NUDCD3: variants seen among roughly 807,000 people sequenced by gnomAD.
The protein encoded by NUDCD3 is nudC domain-containing protein 3.
Under a neutral mutation model 39.7 loss-of-function variants are expected in NUDCD3, and 13 were observed. That is an observed-to-expected ratio of 0.33 (90% CI 0.21 to 0.52). The LOEUF (loss-of-function observed/expected upper bound fraction) is 0.52. Ranked by LOEUF, NUDCD3 falls within the 20% of genes least tolerant of loss-of-function variation. The pLI is 0.96. For synonymous variants in NUDCD3, 175 were observed against 172.4 expected, an observed-to-expected ratio of 1.02 and a Z score of -0.12; for missense variants, 453 against 458.1, an observed-to-expected ratio of 0.99 and a Z score of 0.10.
At chr7:44,464,364 TC>T (rs2116953976) in intron 2 of NUDCD3, among the ~76,000 whole-genome samples, 1 of 152,290 alleles carries the variant, frequency 6.6e-6, no homozygotes, top group South Asian at 2.1e-4. Flanking sequence ...TACGTTTTTT[TC>T]ATTTCACGGC....
At chr7:44,471,545 C>A (rs574505842) in intron 2 of NUDCD3, among the ~76,000 whole-genome samples, 53 of 152,224 alleles carry the variant, frequency 3.5e-4, no homozygotes, top group Non-Finnish European at 6.3e-4. Flanking sequence ...CATGAGTGGC[C>A]ACAAGAAAAG....
Position 44,383,364 on chromosome 7 carries a change from A to AG in NUDCD3, c.*2646dup, listed in dbSNP as rs1175614329. ...CTGTTTGAAAGGATGTAAGATCTAT[A>AG]GCTACATTCTTTTTCTCCCCACTGG... On this transcript the variant is annotated 3_prime_UTR_variant, in exon 6 of 6. Coordinates refer to ENST00000355451, the MANE Select transcript of NUDCD3 (RefSeq NM_015332.4). The AG allele has an allele frequency of 2.6e-5, 4 of 152,254 alleles. No homozygotes were observed. Among genetic ancestry groups the AG allele is most frequent in the African/African-American group, 9.6e-5 (4 of 41,464 alleles). The allele number at this position is 152,254 out of a possible 1,614,324, so 9.4% of individuals were successfully genotyped here.
At chr7:44,472,053 T>C (rs1218152518) in intron 2 of NUDCD3, 1 of 152,190 alleles carries the variant, frequency 6.6e-6, no homozygotes, top group African/African-American at 2.4e-5. Flanking sequence ...CAACCACTGG[T>C]CAGCTTCTCA....
At chr7:44,480,101 A>G (rs940613711) in intron 2 of NUDCD3, among the ~76,000 whole-genome samples, 4 of 152,220 alleles carry the variant, frequency 2.6e-5, no homozygotes, top group South Asian at 4.1e-4. Flanking sequence ...TCTTCACTCT[A>G]TACTTATTTT....
intron 2 of NUDCD3, among the ~76,000 whole-genome samples, chr7:44,432,214 T>C (rs11765310): frequency 0.14 from 20,601 of 152,156 alleles, 1,728 homozygotes; most frequent in Non-Finnish European, 0.19. Flanking sequence ...CCCAGGCGTT[T>C]AAGGTTATAA....
At chr7:44,484,662 G>A (rs1800566971) in intron 2 of NUDCD3, 1 of 276,992 alleles carries the variant, frequency 3.6e-6, no homozygotes, top group Non-Finnish European at 6.8e-6. Flanking sequence ...AGCTGCTGAG[G>A]CTAAGCCTCT....
intron 2 of NUDCD3, among the ~76,000 whole-genome samples, chr7:44,446,825 T>C (rs1370874089): frequency 6.6e-6 from 1 of 152,226 alleles, no homozygotes; most frequent in Non-Finnish European, 1.5e-5. Context: ...AACTAGATAC[T>C]CCATCAAACA....
intron 2 of NUDCD3, among the ~76,000 whole-genome samples, chr7:44,472,549 T>G (rs1030200071): frequency 6.6e-6 from 1 of 152,190 alleles, no homozygotes; most frequent in Admixed American, 6.5e-5. Flanking sequence ...AAAAATTAAT[T>G]TACGGGAATA....
intron 3 of NUDCD3, among the ~76,000 whole-genome samples, chr7:44,411,824 T>A (rs1250615883): frequency 6.6e-6 from 1 of 152,154 alleles, no homozygotes; most frequent in Non-Finnish European, 1.5e-5. Context: ...AGAAAACATA[T>A]GTCCAGAGAA....
intron 2 of NUDCD3, among the ~76,000 whole-genome samples, chr7:44,448,353 C>T (rs914701397): frequency 6.6e-6 from 1 of 152,162 alleles, no homozygotes; most frequent in Non-Finnish European, 1.5e-5. Flanking sequence ...CTGAGGACCA[C>T]AGAGGAGATG....
At chr7:44,473,102 A>G (rs1800289098) in intron 2 of NUDCD3, among the ~76,000 whole-genome samples, 1 of 152,202 alleles carries the variant, frequency 6.6e-6, no homozygotes, top group Non-Finnish European at 1.5e-5. Flanking sequence ...AAATAATAAG[A>G]TCTACACAGC....
intron 2 of NUDCD3, among the ~76,000 whole-genome samples, chr7:44,455,094 C>A (rs763962947): frequency 8.5e-5 from 13 of 152,132 alleles, no homozygotes; most frequent in Non-Finnish European, 1.3e-4. Context: ...GCATTGACTT[C>A]TATCCTTCTC....
At chr7:44,417,335 C>T (rs1445522420) in intron 3 of NUDCD3, among the ~76,000 whole-genome samples, 1 of 152,246 alleles carries the variant, frequency 6.6e-6, no homozygotes, top group African/African-American at 2.4e-5. Context: ...AGGGAAGAAT[C>T]ATGGCATCAA....
Position 44,490,424 on chromosome 7 carries a change from C to T in NUDCD3, c.177G>A (p.Gln59=). ...DRMGFPPGAA[Q]ALVLQVFKTF... The stretch of plus-strand genomic sequence containing the variant: ...CCCGCCTCACCTGCAGCACCAAGGC[C>T]TGCGCGGCCCCGGGCGGGAAGCCCA... The change falls in exon 1 of 6, where the codon CAG becomes CAA. Residue 59 remains glutamine, a synonymous_variant. Transcript: ENST00000355451. The T allele has an allele frequency of 1.3e-6, 2 of 1,572,678 alleles. No individual in the cohort carries two copies. Among genetic ancestry groups the T allele is most frequent in the East Asian group, 2.3e-5 (1 of 42,554 alleles).
In NUDCD3 at chr7:44,427,567, T is replaced by C. The variant is rs761727501; in HGVS notation, c.642+4A>G. The stretch of plus-strand genomic sequence containing the variant: ...CGCCCACCCCTACCCGCCAAGGCCA[T>C]TACCTGCTTTCCCTTCACCACGTGC... On this transcript the variant is annotated splice_donor_region_variant and intron_variant, in intron 3 of 5. Transcript: ENST00000355451. The C allele has an allele frequency of 7.4e-6, 12 of 1,611,956 alleles. No individual in the cohort carries two copies. The highest frequency in any genetic ancestry group is 1.0e-5 in the Non-Finnish European group (12 of 1,179,006).
At chr7:44,487,428 G>A (rs773460187) in intron 1 of NUDCD3, among the ~76,000 whole-genome samples, 1 of 151,428 alleles carries the variant, frequency 6.6e-6, no homozygotes, top group Non-Finnish European at 1.5e-5. Flanking sequence ...GCAGACCCCA[G>A]GAAGGAGTCT....
intron 2 of NUDCD3, among the ~76,000 whole-genome samples, chr7:44,484,176 C>T (rs1800553691): frequency 6.6e-6 from 1 of 152,212 alleles, no homozygotes; most frequent in Non-Finnish European, 1.5e-5. Flanking sequence ...AAAAACAAAG[C>T]AGGCCAGGAG....
At chr7:44,407,209 T>C (rs763015259) in intron 3 of NUDCD3, among the ~76,000 whole-genome samples, 3 of 148,394 alleles carry the variant, frequency 2.0e-5, no homozygotes, top group Non-Finnish European at 3.0e-5. Context: ...AGACACACAG[T>C]AGACAAACCC....
chr7:44,476,192 G>A (rs936398377), intron 2 of NUDCD3, among the ~76,000 whole-genome samples: 1 of 152,164 alleles, frequency 6.6e-6, no homozygotes, highest in Admixed American at 6.5e-5. Flanking sequence ...CAGGCAGTGT[G>A]AGCCTACACA....
Sources: gnomAD v4.1 joint callset for allele counts (sites outside exome capture counted in the v4.1 genomes callset) on GRCh38, gnomAD v4.1.1 for gene constraint, MANE v1.5 for transcripts, NCBI Gene and HGNC (gene_info 2026-07-23, HGNC 2026-07-21) for gene names.